Variants in KIRREL2 observed in about 807,000 individuals in gnomAD.
KIRREL2 encodes kin of IRRE-like protein 2.
A neutral mutation model predicts 73.4 loss-of-function variants in KIRREL2; 56 were observed. The ratio of observed to expected loss-of-function variants is 0.76; its 90% CI spans 0.62 to 0.95. The LOEUF (loss-of-function observed/expected upper bound fraction) is 0.95, where lower values mean the gene tolerates loss of function less well. Ranked by LOEUF, KIRREL2 falls within the 40% of genes least tolerant of loss-of-function variation. The pLI is 0.00. For synonymous variants in KIRREL2, 407 were observed against 404.0 expected, an observed-to-expected ratio of 1.01 and a Z score of -0.09; for missense variants, 896 against 935.0, an observed-to-expected ratio of 0.96 and a Z score of 0.54.
Position 35,860,328 on chromosome 19 carries a change from AC to A in KIRREL2, c.706del (p.His236ThrfsTer41). 5.0e-6 allele frequency: 8 copies of A among 1,614,044 alleles called. No individual in the cohort carries two copies. Among genetic ancestry groups the A allele is most frequent in the Non-Finnish European group, 6.8e-6 (8 of 1,180,006 alleles). ...PPEVTLSASP[H>X]TVQEGEKVIF... ...CAGAGGTGACTCTGTCTGCTTCGCC[AC>A]ACACTGTGCAGGAGGGAGAGAAGGT... On this transcript the variant is annotated frameshift_variant, in exon 6 of 15. Transcript: ENST00000360202. LOFTEE classifies it high-confidence loss of function.
At chr19:35,864,469 C>T (rs921614765) in intron 13 of KIRREL2, among the ~76,000 whole-genome samples, 179 bp from the exon 14 acceptor site, 8 of 152,152 alleles carry the variant, frequency 5.3e-5, no homozygotes, top group African/African-American at 1.9e-4. Flanking sequence ...GGATTACATG[C>T]ATGAGCCACT....
chr19:35,858,975 G>T lies in KIRREL2; in HGVS notation c.522+111G>T, dbSNP rs150622244. On this transcript the variant is annotated intron_variant, in intron 4 of 14. Coordinates refer to ENST00000360202, the MANE Select transcript of KIRREL2 (RefSeq NM_199180.4). ...AAGACATGGGAGGGCAGAGGTTCAT[G>T]GGTTTGGACTCTTGAAATATGATGC... 1.1e-5 allele frequency: 13 copies of T among 1,194,098 alleles called. No homozygotes were observed. The East Asian group carries it at 3.1e-4, about 28-fold the overall frequency. The allele number at this position is 1,194,098 out of a possible 1,614,324, so 74.0% of individuals were successfully genotyped here. A position where few individuals can be genotyped will look rare whatever the true frequency, so the allele number is the denominator to read the frequency against.
chr19:35,864,071 G>A lies in KIRREL2; in HGVS notation c.1726-577G>A, dbSNP rs112424729. On this transcript the variant is annotated intron_variant, in intron 13 of 14. Transcript: ENST00000360202. Reference sequence around the variant, plus strand: ...ATTACAGGCGTGAGCCACCGCGCCCGGCCAAGGGCTCTAGTCTTAACAGTG... The same window carrying A: ...ATTACAGGCGTGAGCCACCGCGCCCAGCCAAGGGCTCTAGTCTTAACAGTG... Among the ~76,000 whole-genome samples the A allele has an allele frequency of 7.2e-5, 11 of 152,184 alleles. No individual in the cohort carries two copies. The East Asian group carries it at 9.7e-4, about 13-fold the overall frequency.
chr19:35,858,426 T>A lies in KIRREL2; in HGVS notation c.230T>A (p.Ile77Lys), dbSNP rs1973521348. 6.2e-7 allele frequency: 1 copy of A among 1,614,050 alleles called. No homozygotes were observed. The highest frequency in any genetic ancestry group is 1.7e-5 in the Admixed American group (1 of 60,012). The change falls in exon 3 of 15, where the codon ATA (isoleucine) becomes AAA (lysine). Residue 77 changes from isoleucine (I) to lysine (K), a missense_variant. Coordinates refer to ENST00000360202, the MANE Select transcript of KIRREL2 (RefSeq NM_199180.4). ...ACTCCAGGGTGGTCCCGGTACTGGA[T>A]ATCAGGGAATGCAGCCAATGGCCAG... ...RDLPGWSRYW[I>K]SGNAANGQHD...
intron 14 of KIRREL2, 31 bp downstream of exon 14, chr19:35,864,744 A>C (rs888383341): frequency 6.5e-7 from 1 of 1,537,664 alleles, no homozygotes; most frequent in Non-Finnish European, 9.0e-7. Flanking sequence ...GGCTCCCTTC[A>C]CTGTTGGGAG....
upstream of KIRREL2, chr19:35,856,710 A>AC (rs1317082762): frequency 1.1e-5 from 4 of 348,108 alleles, no homozygotes; most frequent in East Asian, 8.2e-5. This position sits in a 1 kb window ranked among gnomAD's most constrained non-coding sequence, Gnocchi z 5.9. Context: ...CCCAGCCGGG[A>AC]CCCCCTCCCT....
rs780968128 is a variant in KIRREL2, at chr19:35,860,627, C to T, written c.888C>T (p.Ala296=). The T allele has an allele frequency of 2.8e-5, 45 of 1,603,454 alleles. No individual in the cohort carries two copies. Residue 296 remains alanine (A), a synonymous_variant, in exon 7 of 15, where the codon GCC becomes GCT. Transcript: ENST00000360202. ...CCGTGTCCTGCGAGGTCAGCAACGC[C>T]GTGGGTAGCGCCAACCGCAGTACTG... ...TEPVSCEVSN[A]VGSANRSTAL...
chr19:35,854,675 T>C (rs1973366481), upstream of KIRREL2, among the ~76,000 whole-genome samples: 1 of 152,156 alleles, frequency 6.6e-6, no homozygotes, highest in Non-Finnish European at 1.5e-5. Context: ...GCTCTCTATA[T>C]TAAGTTGTTA....
Position 35,866,500 on chromosome 19 carries a change from C to G in KIRREL2, c.*8C>G, listed in dbSNP as rs1263329028. 6.2e-7 allele frequency: 1 copy of G among 1,613,740 alleles called. No homozygotes were observed. The highest frequency in any genetic ancestry group is 8.5e-7 in the Non-Finnish European group (1 of 1,179,846). On this transcript the variant is annotated 3_prime_UTR_variant, in exon 15 of 15. Transcript: ENST00000360202. ...CTCCAGACTCACGTGTGACATCTTT[C>G]CAATGGAAGAGTCCTGGGATCTCCA...
intron 12 of KIRREL2, 46 bp downstream of exon 12, chr19:35,862,643 A>C: frequency 2.1e-6 from 3 of 1,425,864 alleles, no homozygotes; most frequent in Non-Finnish European, 2.9e-6. Context: ...CCAGCCCCAC[A>C]CGCGCCCTGC....
upstream of KIRREL2, among the ~76,000 whole-genome samples, chr19:35,853,199 G>A (rs1973321646): frequency 6.6e-6 from 1 of 152,158 alleles, no homozygotes; most frequent in African/African-American, 2.4e-5. Flanking sequence ...TGGGAGAGAG[G>A]GAAGATATGC....
At chr19:35,857,964 C>T (rs990253240) in intron 2 of KIRREL2, among the ~76,000 whole-genome samples, 47 of 146,318 alleles carry the variant, frequency 3.2e-4, no homozygotes, top group Non-Finnish European at 4.3e-4. Context: ...AGCCACTGCA[C>T]TTCAGGCAAT....
upstream of KIRREL2, chr19:35,851,518 C>T (rs1320070262): frequency 6.2e-7 from 1 of 1,613,804 alleles, no homozygotes. Context: ...GGTCGGGGCC[C>T]AGGAGCAGCC....
intron 14 of KIRREL2, among the ~76,000 whole-genome samples, chr19:35,865,149 C>T (rs1973913506): frequency 6.7e-6 from 1 of 149,890 alleles, no homozygotes; most frequent in African/African-American, 2.5e-5. Context: ...TCCTGCGTAC[C>T]TAGCACATGC....
chr19:35,860,577 G>T lies in KIRREL2; in HGVS notation c.838G>T (p.Ala280Ser). 1 of 1,603,564 alleles carries T rather than the reference G, an allele frequency of 6.2e-7. No homozygotes were observed. ...CCGCGGGCCAAGGTTAGAGGTCGTG[G>T]CAGACGCCTCGTTCCTGACTGAGCC... ...GARGPRLEVV[A>S]DASFLTEPVS... Residue 280 changes from alanine (A) to serine (S), a missense_variant, in exon 7 of 15, where the codon GCA becomes TCA. Ala to Ser is a moderately conservative substitution (Grantham distance 99). Transcript: ENST00000360202.
In KIRREL2 at chr19:35,861,241, GCTGA is replaced by G; in HGVS notation, c.1180_1183del (p.Thr394Ter). On this transcript the variant is annotated frameshift_variant, in exon 9 of 15. Transcript: ENST00000360202. LOFTEE classifies it high-confidence loss of function. ...TGCGGGGCGGCGCCGCGGAGGCTCG[GCTGA>G]CTGTGAACGGTGAGAAGGCGGGGCT... The G allele has an allele frequency of 1.3e-6, 2 of 1,532,482 alleles. No individual in the cohort carries two copies. Among genetic ancestry groups the G allele is most frequent in the South Asian group, 1.3e-5 (1 of 79,232 alleles). The allele number at this position is 1,532,482 out of a possible 1,614,324, so 94.9% of individuals were successfully genotyped here.
chr19:35,854,664 C>T (rs1249168676), upstream of KIRREL2, among the ~76,000 whole-genome samples: 1 of 152,098 alleles, frequency 6.6e-6, no homozygotes, highest in Non-Finnish European at 1.5e-5. Flanking sequence ...GAGACTCTCT[C>T]GCTCTCTATA....
Position 35,861,011 on chromosome 19 carries a change from C to G in KIRREL2, c.1031C>G (p.Thr344Ser), listed in dbSNP as rs376014818. ...AWRGNPLPRV[T>S]WTRRGGAQVL... The stretch of plus-strand genomic sequence containing the variant: ...CGCGGGAACCCGCTTCCACGGGTAA[C>G]CTGGACCCGCCGCGGTGGCGCGCAG... The change falls in exon 8 of 15, where the codon ACC (threonine) becomes AGC (serine). Residue 344 changes from threonine (T) to serine (S), a missense_variant. Transcript: ENST00000360202. The G allele has an allele frequency of 6.2e-7, 1 of 1,611,032 alleles. No homozygotes were observed. Among genetic ancestry groups the G allele is most frequent in the Non-Finnish European group, 8.5e-7 (1 of 1,178,762 alleles).
upstream of KIRREL2, among the ~76,000 whole-genome samples, chr19:35,854,196 T>C (rs946848844): frequency 2.0e-4 from 30 of 152,144 alleles, no homozygotes; most frequent in African/African-American, 6.8e-4. Flanking sequence ...CTTGCTATAT[T>C]GCCCAGGCTT....
Sources: gnomAD v4.1 joint callset for allele counts (sites outside exome capture counted in the v4.1 genomes callset) on GRCh38, gnomAD v4.1.1 for gene constraint, Gnocchi (gnomAD v3.1) non-coding constraint, MANE v1.5 for transcripts, NCBI Gene and HGNC (gene_info 2026-07-23, HGNC 2026-07-21) for gene names.